The following ARHGAP33 variants were observed in gnomAD, a reference collection of about 807,000 sequenced individuals.
ARHGAP33 encodes the protein rho GTPase-activating protein 33.
Under a neutral mutation model 126.2 loss-of-function variants are expected in ARHGAP33, and 57 were observed. The observed-to-expected ratio is 0.45, with a 90% CI of 0.36 to 0.56. ARHGAP33 has a LOEUF of 0.56. Ranked by LOEUF, ARHGAP33 falls within the 20% of genes least tolerant of loss-of-function variation. The pLI is 0.00. For synonymous variants in ARHGAP33, 711 were observed against 755.0 expected, an observed-to-expected ratio of 0.94 and a Z score of 0.95; for missense variants, 1,500 against 1,748.3, an observed-to-expected ratio of 0.86 and a Z score of 2.53.
At position 35,787,982 on chromosome 19, in the gene ARHGAP33, G is replaced by A. The variant is rs375386897; in HGVS notation, c.3417G>A (p.Pro1139=). 4.8e-6 allele frequency: 7 copies of A among 1,449,262 alleles called. No individual in the cohort carries two copies. Among genetic ancestry groups the A allele is most frequent in the East Asian group, 5.1e-5 (2 of 39,510 alleles). 89.8% of individuals were successfully genotyped at this position (1,449,262 alleles called of 1,614,324 possible). The part of the protein sequence containing the change: ...HRSPDFLLSY[P]PAPSCFPPDH... ...CCCCCGACTTCCTGCTCAGCTACCC[G>A]CCAGCCCCCTCCTGCTTTCCCCCTG... The change falls in exon 21 of 21, where the codon CCG becomes CCA. Residue 1139 remains proline, a synonymous_variant. Coordinates refer to ENST00000007510, the MANE Select transcript of ARHGAP33 (RefSeq NM_001366178.1).
intron 17 of ARHGAP33, 23 bp downstream of exon 17, chr19:35,785,129 C>G (rs747854572): frequency 1.3e-6 from 2 of 1,589,208 alleles, no homozygotes; most frequent in Non-Finnish European, 1.7e-6. Flanking sequence ...CTGGGGGTGG[C>G]GAGGGGCAGG....
At chr19:35,783,036 G>A (rs991435522) in intron 15 of ARHGAP33, 167 bp downstream of exon 15, 4 of 611,804 alleles carry the variant, frequency 6.5e-6, no homozygotes, top group Admixed American at 2.9e-5. Context: ...GCATGGCCCT[G>A]TCCTCCTGGG....
At chr19:35,780,549 G>A (rs1305461244) in intron 8 of ARHGAP33, 33 bp from the exon 9 acceptor site, 2 of 1,613,316 alleles carry the variant, frequency 1.2e-6, no homozygotes, top group African/African-American at 2.7e-5. Flanking sequence ...TGCCAACTGG[G>A]GTGGCCCAGC....
chr19:35,778,661 A>G (rs777517321), intron 5 of ARHGAP33, 60 bp downstream of exon 5: 48 of 1,567,902 alleles, frequency 3.1e-5, no homozygotes, highest in Non-Finnish European at 3.3e-5. Flanking sequence ...ACAGTGTGAA[A>G]TCATCAAGGC....
In ARHGAP33 at chr19:35,778,900, G is replaced by A. The variant is rs552115535; in HGVS notation, c.409-132G>A. The A allele has an allele frequency of 3.7e-6, 3 of 816,902 alleles. No homozygotes were observed. In the Admixed American group the frequency reaches 6.8e-5, roughly 19 times the overall value. The allele number at this position is 816,902 out of a possible 1,614,324, so 50.6% of individuals were successfully genotyped here. A position where few individuals can be genotyped will look rare whatever the true frequency, so the allele number is the denominator to read the frequency against. ...TATTCATTCATATGCCCATATCTCAGTACCTAACAGCTGAGCAGCACCCAT... is the reference window on the plus strand; with the variant it reads ...TATTCATTCATATGCCCATATCTCAATACCTAACAGCTGAGCAGCACCCAT... On this transcript the variant is annotated intron_variant, in intron 5 of 20. Coordinates refer to ENST00000007510, the MANE Select transcript of ARHGAP33 (RefSeq NM_001366178.1).
In ARHGAP33 at chr19:35,787,377, G is replaced by C. The variant is rs755181785; in HGVS notation, c.2812G>C (p.Glu938Gln). The C allele has an allele frequency of 5.6e-6, 9 of 1,609,970 alleles. No homozygotes were observed. The highest frequency in any genetic ancestry group is 1.7e-6 in the Non-Finnish European group (2 of 1,177,896). Residue 938 changes from glutamate (E) to glutamine (Q), a missense_variant, in exon 21 of 21, where the codon GAG becomes CAG. Glu to Gln is a conservative substitution (Grantham distance 29). Coordinates refer to ENST00000007510, the MANE Select transcript of ARHGAP33 (RefSeq NM_001366178.1). ...QSPFHRSLSL[E>Q]VGGEPLGTSG... ...CCCCTTCCACCGCTCGCTGTCTCTG[G>C]AGGTGGGCGGGGAGCCCCTGGGGAC...
rs1452759475 is a variant in ARHGAP33 at position 35,788,708 on chromosome 19, C to T, written c.*279C>T. On this transcript the variant is annotated 3_prime_UTR_variant, in exon 21 of 21. Coordinates refer to ENST00000007510, the MANE Select transcript of ARHGAP33 (RefSeq NM_001366178.1). ...CCCCATCCTCCTCTCCCTCCAGGAG[C>T]CCCCAGCATGTCCTGACCTGTGCAC... 5 of 415,000 alleles carry T rather than the reference C, an allele frequency of 1.2e-5. No individual in the cohort carries two copies. Among genetic ancestry groups the T allele is most frequent in the Middle Eastern group, 3.1e-4 (1 of 3,184 alleles). 25.7% of individuals were successfully genotyped at this position (415,000 alleles called of 1,614,324 possible). A position where few individuals can be genotyped will look rare whatever the true frequency, so the allele number is the denominator to read the frequency against.
At chr19:35,778,071 A>G (rs2146683572) in intron 3 of ARHGAP33, among the ~76,000 whole-genome samples, 163 bp downstream of exon 3, 1 of 152,284 alleles carries the variant, frequency 6.6e-6, no homozygotes, top group East Asian at 1.9e-4. Context: ...AGATGGGGAG[A>G]GCTGCTCATT....
At position 35,785,424 on chromosome 19, in the gene ARHGAP33, C is replaced by T; in HGVS notation, c.1883C>T (p.Thr628Ile). 1 of 1,614,176 alleles carries T rather than the reference C, an allele frequency of 6.2e-7. No individual in the cohort carries two copies. Among genetic ancestry groups the T allele is most frequent in the Non-Finnish European group, 8.5e-7 (1 of 1,180,010 alleles). ...PPQPSGSRPD[T>I]VTLRSAKSEE... The stretch of plus-strand genomic sequence containing the variant: ...TCTCCTGCAGGCAGCAGACCCGACA[C>T]CGTCACACTGAGATCTGCCAAGAGC... The change falls in exon 19 of 21, where the codon ACC becomes ATC. Residue 628 changes from threonine to isoleucine, a missense_variant. This residue lies in a region of ARHGAP33 where 300 missense variants were observed against 291.1 expected (regional missense o/e 1.03). Transcript: ENST00000007510.
chr19:35,780,638 C>T lies in ARHGAP33; in HGVS notation c.759C>T (p.Gly253=). ...TCTTCACAGAGCGGCCAGGTCCGGG[C>T]CTGAAGGCGGGTAAGTGCCATGGAT... ...VELFTERPGP[G]LKADADGPPC... Residue 253 remains glycine, a synonymous_variant, in exon 9 of 21, where the codon GGC becomes GGT. Transcript: ENST00000007510. 2 of 1,607,310 alleles carry T rather than the reference C, an allele frequency of 1.2e-6. No individual in the cohort carries two copies. Among genetic ancestry groups the T allele is most frequent in the African/African-American group, 2.7e-5 (2 of 74,372 alleles).
chr19:35,784,434 G>A (rs1240049858), intron 16 of ARHGAP33, 117 bp downstream of exon 16: 6 of 1,421,176 alleles, frequency 4.2e-6, no homozygotes, highest in Non-Finnish European at 5.5e-6. Context: ...GCCTCCCTCC[G>A]GCTCCTTGAG....
At position 35,787,406 on chromosome 19, in the gene ARHGAP33, A is replaced by C; in HGVS notation, c.2841A>C (p.Ser947=). 1 of 1,610,364 alleles carries C rather than the reference A, an allele frequency of 6.2e-7. No homozygotes were observed. ...LEVGGEPLGT[S]GSGPPPNSLA... is the part of the protein sequence containing the mutation. ...TGGGCGGGGAGCCCCTGGGGACCTC[A>C]GGGAGTGGGCCACCTCCCAACTCCC... The change falls in exon 21 of 21, where the codon TCA becomes TCC. Residue 947 remains serine, a synonymous_variant. Coordinates refer to ENST00000007510, the MANE Select transcript of ARHGAP33 (RefSeq NM_001366178.1).
chr19:35,784,904 C>T, intron 16 of ARHGAP33, 49 bp from the exon 17 acceptor site: 1 of 1,497,660 alleles, frequency 6.7e-7, no homozygotes, highest in Non-Finnish European at 8.9e-7. Flanking sequence ...TTGCCTGTGG[C>T]CTTGGGCGGC....
chr19:35,776,101 C>G (rs1275418279), intron 1 of ARHGAP33, among the ~76,000 whole-genome samples: 2 of 141,000 alleles, frequency 1.4e-5, no homozygotes, highest in East Asian at 4.4e-4. Context: ...GCCCCACCCC[C>G]CACCCGCTCC....
At chr19:35,779,005 A>C in intron 5 of ARHGAP33, 27 bp from the exon 6 acceptor site, 8 of 1,539,130 alleles carry the variant, frequency 5.2e-6, no homozygotes, top group Non-Finnish European at 7.0e-6. Context: ...CCACTCACAG[A>C]GGCCCACTCT....
At position 35,777,807 on chromosome 19, in the gene ARHGAP33, C is replaced by T. The variant is rs748098188; in HGVS notation, c.105-17C>T. On this transcript the variant is annotated splice_polypyrimidine_tract_variant and intron_variant, in intron 2 of 20. Coordinates refer to ENST00000007510, the MANE Select transcript of ARHGAP33 (RefSeq NM_001366178.1). ...GAGACTCAAGGAGCTGCTGGTGACG[C>T]ATCCCCTGTCTCCCAGGCTCTCAGC... The T allele has an allele frequency of 6.9e-5, 111 of 1,614,136 alleles. No individual in the cohort carries two copies. The highest frequency in any genetic ancestry group is 6.7e-5 in the East Asian group (3 of 44,882).
rs1466054936 is a variant in ARHGAP33, at chr19:35,786,995, G to A, written c.2525G>A (p.Arg842Gln). 5.6e-6 allele frequency: 9 copies of A among 1,609,584 alleles called. No individual in the cohort carries two copies. The highest frequency in any genetic ancestry group is 4.4e-5 in the South Asian group (4 of 90,612). Residue 842 changes from arginine (R) to glutamine (Q), a missense_variant, in exon 20 of 21, where the codon CGA (arginine) becomes CAA (glutamine). Physicochemically the swap from Arg to Gln is conservative, Grantham distance 43. Transcript: ENST00000007510. The surrounding 1 kb of genome is among the most constrained non-coding windows in gnomAD (Gnocchi z 7.0). ...LRPHLIPLLLRGAEAPLTDAC... is the reference protein window; with the variant it reads ...LRPHLIPLLLQGAEAPLTDAC... ...CCCCATCTCATACCCCTGCTGCTGC[G>A]AGGAGCCGAGGCCCCGCTGACTGAC...
chr19:35,780,674 T>TGTGGGGAGGGGTGGGAAGGG, intron 9 of ARHGAP33, 26 bp downstream of exon 9: 2 of 616,700 alleles, frequency 3.2e-6, no homozygotes, highest in Non-Finnish European at 5.4e-6. Context: ...GGATGGGAGG[T>TGTGGGGAGGGGTGGGAAGGG]GTGGGGAGGG....
chr19:35,777,592 C>T (rs1568421783), intron 1 of ARHGAP33, 53 bp from the exon 2 acceptor site: 14 of 1,440,416 alleles, frequency 9.7e-6, no homozygotes, highest in Admixed American at 2.0e-5. Flanking sequence ...ACAATGCTCT[C>T]GTTGTCTCTT....
Sources: gnomAD v4.1 joint callset for allele counts (sites outside exome capture counted in the v4.1 genomes callset) on GRCh38, gnomAD v4.1.1 for gene constraint, gnomAD v4.1.1 regional missense constraint, Gnocchi (gnomAD v3.1) non-coding constraint, MANE v1.5 for transcripts, NCBI Gene and HGNC (gene_info 2026-07-23, HGNC 2026-07-21) for gene names.